Variants in EYA2 observed in about 807,000 individuals in gnomAD.
EYA2 encodes the protein protein phosphatase EYA2.
Under a neutral mutation model 69.2 loss-of-function variants are expected in EYA2, and 31 were observed. The ratio of observed to expected loss-of-function variants is 0.45; its 90% CI spans 0.34 to 0.60. EYA2 has a LOEUF of 0.60. EYA2 is among the 20% of genes least tolerant of loss of function. The pLI is 0.02. For missense variants in EYA2, 622 were observed against 701.2 expected (o/e 0.89, Z 1.28); for synonymous variants, 257 against 279.4 (o/e 0.92, Z 0.80).
chr20:47,111,862 T>A (rs1340014067), intron 9 of EYA2, among the ~76,000 whole-genome samples: 2 of 152,182 alleles, frequency 1.3e-5, no homozygotes, highest in Non-Finnish European at 2.9e-5. Context: ...CTCTGACTAG[T>A]AGCCCAATAA....
At chr20:46,959,936 A>G (rs527245772) in intron 1 of EYA2, among the ~76,000 whole-genome samples, 2 of 152,236 alleles carry the variant, frequency 1.3e-5, no homozygotes, top group African/African-American at 2.4e-5. Context: ...CGTGGGGGGA[A>G]TATGGGAATC....
At chr20:47,146,896 C>T (rs2146605740) in intron 10 of EYA2, among the ~76,000 whole-genome samples, 1 of 152,312 alleles carries the variant, frequency 6.6e-6, no homozygotes, top group South Asian at 2.1e-4. Context: ...AAGGCATTGA[C>T]CTTCCAGTTC....
At chr20:47,167,335 G>A (rs1482769182) in intron 10 of EYA2, among the ~76,000 whole-genome samples, 1 of 146,748 alleles carries the variant, frequency 6.8e-6, no homozygotes, top group African/African-American at 2.6e-5. Context: ...AGGCTGGCGT[G>A]CAGTGGTGTG....
At chr20:47,148,399 C>T (rs1376072406) in intron 10 of EYA2, among the ~76,000 whole-genome samples, 1 of 152,160 alleles carries the variant, frequency 6.6e-6, no homozygotes, top group African/African-American at 2.4e-5. Flanking sequence ...CTACATGTGT[C>T]CCTGGGGATA....
At chr20:47,154,456 A>G (rs150677601) in intron 10 of EYA2, among the ~76,000 whole-genome samples, 73 of 152,158 alleles carry the variant, frequency 4.8e-4, no homozygotes, top group African/African-American at 1.5e-3. Flanking sequence ...ACTGAGGCAG[A>G]GAGTGGCTAA....
At chr20:46,931,633 T>C (rs1328009477) in intron 1 of EYA2, among the ~76,000 whole-genome samples, 2 of 152,126 alleles carry the variant, frequency 1.3e-5, no homozygotes, top group African/African-American at 4.8e-5. Flanking sequence ...TACGAGCAAG[T>C]TTTTAAATCC....
chr20:47,044,195 T>C lies in EYA2; in HGVS notation c.415+27898T>C, dbSNP rs1010375. Reference sequence around the variant, plus strand: ...CAGTCATCAGACCATTTTCAACATATGGCGTTAAGGTGTCTTGAGAAAGTG... The same window carrying C: ...CAGTCATCAGACCATTTTCAACATACGGCGTTAAGGTGTCTTGAGAAAGTG... On this transcript the variant is annotated intron_variant, in intron 5 of 15. Transcript: ENST00000327619. Among the ~76,000 whole-genome samples the C allele has an allele frequency of 5.9e-4, 89 of 152,130 alleles. 1 individual carries two copies. Among genetic ancestry groups the C allele is most frequent in the African/African-American group, 2.1e-3 (86 of 41,510 alleles).
intron 1 of EYA2, among the ~76,000 whole-genome samples, chr20:46,911,528 T>C (rs770987407): frequency 2.0e-5 from 3 of 152,222 alleles, no homozygotes; most frequent in Admixed American, 1.3e-4. Flanking sequence ...TGAGATGTTA[T>C]AGAAGGAATT....
rs183267020 is a variant in EYA2 at position 47,183,746 on chromosome 20, G to A, written c.1536+355G>A. Reference sequence around the variant, plus strand: ...TCATATGTTCCAGCAACCCTTCCCAGTTAATAAAGACAGCATTAAGCTAAT... The same window carrying A: ...TCATATGTTCCAGCAACCCTTCCCAATTAATAAAGACAGCATTAAGCTAAT... On this transcript the variant is annotated intron_variant, in intron 15 of 15. Transcript: ENST00000327619. Among the ~76,000 whole-genome samples, 19 of 152,220 alleles carry A rather than the reference G, an allele frequency of 1.2e-4. No homozygotes were observed. The East Asian group carries it at 3.7e-3, about 29-fold the overall frequency.
At chr20:46,943,928 T>C (rs1267129007) in intron 1 of EYA2, among the ~76,000 whole-genome samples, 1 of 152,108 alleles carries the variant, frequency 6.6e-6, no homozygotes, top group Non-Finnish European at 1.5e-5. Context: ...TCCCTCTCTC[T>C]CCCCCTTTCT....
chr20:46,959,101 C>G (rs1240365591), intron 1 of EYA2, among the ~76,000 whole-genome samples: 1 of 152,168 alleles, frequency 6.6e-6, no homozygotes, highest in African/African-American at 2.4e-5. Flanking sequence ...GTCTTTAGGA[C>G]TTTGAGGAAT....
chr20:47,035,518 A>T (rs907795630), intron 5 of EYA2, among the ~76,000 whole-genome samples: 1 of 152,166 alleles, frequency 6.6e-6, no homozygotes, highest in Admixed American at 6.5e-5. Context: ...GAAGGGGAAG[A>T]AAAAAATCAT....
chr20:47,063,645 C>T (rs191072028), intron 5 of EYA2, among the ~76,000 whole-genome samples: 128 of 152,296 alleles, frequency 8.4e-4, no homozygotes, highest in African/African-American at 2.9e-3. Context: ...GCCAAGTCTT[C>T]ATTTGCATAG....
At chr20:46,946,555 G>A (rs2146268914) in intron 1 of EYA2, among the ~76,000 whole-genome samples, 1 of 152,290 alleles carries the variant, frequency 6.6e-6, no homozygotes, top group Non-Finnish European at 1.5e-5. Context: ...ACATGAGCCT[G>A]GGTATGAGTA....
chr20:47,138,298 T>A (rs2033522803), intron 9 of EYA2, among the ~76,000 whole-genome samples: 1 of 152,154 alleles, frequency 6.6e-6, no homozygotes, highest in South Asian at 2.1e-4. Context: ...AGGTACCACC[T>A]ACATAGCTTA....
chr20:46,987,806 A>C (rs1981327873), intron 1 of EYA2, among the ~76,000 whole-genome samples: 1 of 151,190 alleles, frequency 6.6e-6, no homozygotes, highest in Non-Finnish European at 1.5e-5. Context: ...GTGCACCTGT[A>C]ATCTCAGCTA....
chr20:47,156,123 C>CAT (rs2033933522), intron 10 of EYA2, among the ~76,000 whole-genome samples: 1 of 23,944 alleles, frequency 4.2e-5, no homozygotes, highest in Non-Finnish European at 6.2e-5. Flanking sequence ...CACACACACA[C>CAT]ACACATATAT....
intron 4 of EYA2, among the ~76,000 whole-genome samples, chr20:47,013,813 AG>A (rs1159583086): frequency 3.3e-5 from 5 of 152,202 alleles, no homozygotes; most frequent in African/African-American, 7.2e-5. Context: ...AACGACTCCT[AG>A]TGGACTGAGC....
At chr20:46,968,633 G>A (rs1214708467) in intron 1 of EYA2, among the ~76,000 whole-genome samples, 1 of 152,054 alleles carries the variant, frequency 6.6e-6, no homozygotes, top group African/African-American at 2.4e-5. Context: ...TTGGATGATT[G>A]TTGTGGAGCT....
Sources: allele counts gnomAD v4.1 joint callset (sites outside exome capture counted in the v4.1 genomes callset), GRCh38; gene constraint gnomAD v4.1.1; transcripts MANE v1.5; gene names NCBI Gene and HGNC (gene_info 2026-07-23, HGNC 2026-07-21).